The following ERAP1 variants were observed in gnomAD, a reference collection of about 807,000 sequenced individuals.
The protein encoded by ERAP1 is adipocyte-derived leucine aminopeptidase.
In ERAP1, 86 loss-of-function variants were observed where a neutral mutation model predicts 103.7. The observed-to-expected ratio is 0.83, with a 90% CI of 0.70 to 0.99. ERAP1 has a LOEUF of 0.99. Among genes scored for constraint, ERAP1 ranks in the 50% least tolerant of loss-of-function variants. ERAP1 has a pLI of 0.00. For missense variants in ERAP1, 1,009 were observed against 1,128.4 expected (o/e 0.89, Z 1.52); for synonymous variants, 398 against 402.4 (o/e 0.99, Z 0.13).
At chr5:96,924,179 G>A in the ERAP1 span, among the ~76,000 whole-genome samples, 13 of 152,304 alleles carry the variant, frequency 8.5e-5, no homozygotes, top group South Asian at 2.5e-3. Context: ...TGTATCCTGT[G>A]TGCTTGTCCT....
At chr5:96,856,613 C>A in the ERAP1 span, among the ~76,000 whole-genome samples, 1 of 151,892 alleles carries the variant, frequency 6.6e-6, no homozygotes, top group African/African-American at 2.4e-5. Context: ...TATATCAATT[C>A]TCCTGCTGTT....
At chr5:96,896,718 GT>G in the ERAP1 span, 70 of 1,456,548 alleles carry the variant, frequency 4.8e-5, no homozygotes, top group Middle Eastern at 4.1e-4. Flanking sequence ...CAACTCTTTT[GT>G]TTTTTTTTAA....
downstream of ERAP1, chr5:96,773,697 C>T (rs1773258390): frequency 6.6e-6 from 1 of 152,218 alleles, no homozygotes; most frequent in Non-Finnish European, 1.5e-5. Flanking sequence ...TTTCTAATAT[C>T]TTAATGAATA....
chr5:96,884,309 A>G, the ERAP1 span, among the ~76,000 whole-genome samples: 1 of 152,174 alleles, frequency 6.6e-6, no homozygotes, highest in Admixed American at 6.5e-5. Flanking sequence ...TAAAACTCAG[A>G]TTCTGATTCA....
the ERAP1 span, among the ~76,000 whole-genome samples, chr5:96,837,838 C>A: frequency 6.6e-6 from 1 of 152,046 alleles, no homozygotes; most frequent in Non-Finnish European, 1.5e-5. Context: ...TGGCTCTCAG[C>A]GTGAAGGGGA....
At chr5:96,859,219 G>A in the ERAP1 span, among the ~76,000 whole-genome samples, 17 of 152,112 alleles carry the variant, frequency 1.1e-4, no homozygotes, top group Non-Finnish European at 1.8e-4. Flanking sequence ...CGACACAGGA[G>A]TGTCCTTCTT....
the ERAP1 span, among the ~76,000 whole-genome samples, chr5:96,929,417 C>T: frequency 6.6e-6 from 1 of 151,972 alleles, no homozygotes; most frequent in African/African-American, 2.4e-5. Flanking sequence ...CTCCTTCCTT[C>T]CTTCTTTCCT....
chr5:96,882,620 A>T, the ERAP1 span, among the ~76,000 whole-genome samples: 1 of 152,240 alleles, frequency 6.6e-6, no homozygotes, highest in Non-Finnish European at 1.5e-5. Flanking sequence ...AGCAACAAAG[A>T]TTCAGGTTTT....
At chr5:96,885,093 A>C in the ERAP1 span, among the ~76,000 whole-genome samples, 1 of 152,178 alleles carries the variant, frequency 6.6e-6, no homozygotes, top group African/African-American at 2.4e-5. Context: ...TATCGTCTTC[A>C]TCTGGTGGGG....
At chr5:96,763,211 C>T (rs372808514) in exon 20 of ERAP1, 27 of 780,614 alleles carry the variant, frequency 3.5e-5, no homozygotes, top group African/African-American at 5.1e-5. Context: ...CATCCTGTTG[C>T]GTCAGCTTCA....
the ERAP1 span, among the ~76,000 whole-genome samples, chr5:96,921,832 T>C: frequency 6.6e-6 from 1 of 152,230 alleles, no homozygotes; most frequent in Non-Finnish European, 1.5e-5. Flanking sequence ...CATTCCTCCG[T>C]AAGGAATTCC....
At chr5:96,916,236 A>G in the ERAP1 span, among the ~76,000 whole-genome samples, 1 of 115,650 alleles carries the variant, frequency 8.6e-6, no homozygotes, top group African/African-American at 3.1e-5. Context: ...AACAAAAAAC[A>G]AAAACAAAAA....
chr5:96,917,541 A>G, the ERAP1 span: 2 of 1,614,094 alleles, frequency 1.2e-6, no homozygotes, highest in Non-Finnish European at 1.7e-6. Context: ...ACGATAACCA[A>G]AAATATAAAA....
the ERAP1 span, among the ~76,000 whole-genome samples, chr5:96,820,634 G>C: frequency 1.3e-5 from 2 of 151,794 alleles, no homozygotes; most frequent in African/African-American, 4.8e-5. Flanking sequence ...TCTTTCATTT[G>C]TCTTTTTTTA....
In ERAP1 at chr5:96,776,403, C is replaced by T. The variant is rs111774449; in HGVS notation, c.2819G>A (p.Arg940His). 3.2e-5 allele frequency: 52 copies of T among 1,610,880 alleles called. No individual in the cohort carries two copies. In the African/African-American group the frequency reaches 3.9e-4, roughly 12 times the overall value. The change falls in exon 19 of 19, where the codon CGT (arginine) becomes CAT (histidine). Residue 940 changes from arginine to histidine, a missense_variant. This residue lies in a region of ERAP1 where 611 missense variants were observed against 651.7 expected (regional missense o/e 0.94). Coordinates refer to ENST00000443439, the MANE Select transcript of ERAP1 (RefSeq NM_001040458.3). ...RVWLQSEKLERM is the reference protein window; with the variant it reads ...RVWLQSEKLEHM Reference sequence around the variant, plus strand: ...CTGGCAAGGGAGGAATTTTTACATACGTTCAAGCTTTTCACTTTGCAGCCA... The same window carrying T: ...CTGGCAAGGGAGGAATTTTTACATATGTTCAAGCTTTTCACTTTGCAGCCA...
the ERAP1 span, among the ~76,000 whole-genome samples, chr5:96,847,822 A>C: frequency 6.6e-6 from 1 of 152,228 alleles, no homozygotes; most frequent in African/African-American, 2.4e-5. Flanking sequence ...AGCAAAAGCA[A>C]TTCTAACAGA....
At chr5:96,890,134 A>G in the ERAP1 span, among the ~76,000 whole-genome samples, 2 of 152,142 alleles carry the variant, frequency 1.3e-5, no homozygotes, top group African/African-American at 2.4e-5. Flanking sequence ...TTAATTTTCT[A>G]TCTTAAAAAA....
In ERAP1 at chr5:96,776,053, A is replaced by G; in HGVS notation, c.*343T>C. Reference sequence around the variant, plus strand: ...TCAGAGTCTTTCGAGGAGACTGATGAAACAGTTTATGAATGATAAACATGG... The same window carrying G: ...TCAGAGTCTTTCGAGGAGACTGATGGAACAGTTTATGAATGATAAACATGG... On this transcript the variant is annotated 3_prime_UTR_variant, in exon 19 of 19. Coordinates refer to ENST00000443439, the MANE Select transcript of ERAP1 (RefSeq NM_001040458.3). 1 of 1,205,034 alleles carries G rather than the reference A, an allele frequency of 8.3e-7. No individual in the cohort carries two copies. The highest frequency in any genetic ancestry group is 1.1e-6 in the Non-Finnish European group (1 of 950,080). 74.6% of individuals were successfully genotyped at this position (1,205,034 alleles called of 1,614,324 possible).
the ERAP1 span, among the ~76,000 whole-genome samples, chr5:96,816,953 G>A: frequency 6.6e-6 from 1 of 152,214 alleles, no homozygotes; most frequent in Admixed American, 6.5e-5. Flanking sequence ...CAGCACCAGA[G>A]TGGCCATTCT....
Sources: gnomAD v4.1 joint callset for allele counts (sites outside exome capture counted in the v4.1 genomes callset) on GRCh38, gnomAD v4.1.1 for gene constraint, gnomAD v4.1.1 regional missense constraint, MANE v1.5 for transcripts, NCBI Gene and HGNC (gene_info 2026-07-23, HGNC 2026-07-21) for gene names.